Variants in GRM1 observed in about 807,000 individuals in gnomAD.
GRM1 encodes metabotropic glutamate receptor 1.
Under a neutral mutation model 90.9 loss-of-function variants are expected in GRM1, and 33 were observed. That is an observed-to-expected ratio of 0.36 (90% confidence interval 0.28 to 0.49). The LOEUF is 0.49. GRM1 is among the 20% of genes least tolerant of loss of function. The probability of loss-of-function intolerance (pLI) is 0.99; values close to 1 mark genes in which losing one functional copy is unlikely to be tolerated. For missense variants in GRM1, 1,190 were observed against 1,534.3 expected (o/e 0.78, Z 3.75); for synonymous variants, 700 against 613.2 (o/e 1.14, Z -2.09).
At chr6:146,398,641 TA>T in intron 6 of GRM1, 127 bp from the exon 7 acceptor site, 1 of 779,884 alleles carries the variant, frequency 1.3e-6, no homozygotes. Context: ...TGTGCATTTT[TA>T]AAAAAGCATT....
chr6:146,339,065 A>T (rs1236719278), intron 3 of GRM1, among the ~76,000 whole-genome samples: 1 of 152,136 alleles, frequency 6.6e-6, no homozygotes, highest in African/African-American at 2.4e-5. Flanking sequence ...TATGAAACAT[A>T]CTCCATGAAC....
intron 5 of GRM1, among the ~76,000 whole-genome samples, chr6:146,372,359 A>G (rs1001514566): frequency 6.6e-6 from 1 of 152,074 alleles, no homozygotes; most frequent in African/African-American, 2.4e-5. Flanking sequence ...CATTCTGGTT[A>G]TTAATTCCTT....
chr6:146,308,713 A>C (rs1178982578), intron 3 of GRM1, among the ~76,000 whole-genome samples: 2 of 152,156 alleles, frequency 1.3e-5, no homozygotes, highest in Non-Finnish European at 2.9e-5. Context: ...AGAAAGCTGA[A>C]GAGAATTAAG....
intron 2 of GRM1, among the ~76,000 whole-genome samples, chr6:146,297,783 C>T (rs1322278146): frequency 1.3e-5 from 2 of 152,130 alleles, no homozygotes; most frequent in Non-Finnish European, 2.9e-5. Context: ...ATTCTGACAA[C>T]CTGGTTGGCA....
In GRM1 at chr6:146,247,999, G is replaced by C. The variant is rs552805806; in HGVS notation, c.951-56612G>C. On this transcript the variant is annotated intron_variant, in intron 2 of 7. Coordinates refer to ENST00000282753, the MANE Select transcript of GRM1 (RefSeq NM_001278064.2). ...AAGAATGAAAGAACCTCTATTAGAT[G>C]TTTCCCTAGGAATCTTTTGTTGGAT... is the stretch of plus-strand genomic sequence containing the variant. 2.0e-4 allele frequency among the ~76,000 whole-genome samples: 31 copies of C among 151,686 alleles called. No homozygotes were observed. In the South Asian group the frequency reaches 6.2e-3, roughly 31 times the overall value.
chr6:146,365,869 C>T (rs140982819), intron 5 of GRM1, among the ~76,000 whole-genome samples: 116 of 152,286 alleles, frequency 7.6e-4, no homozygotes, highest in African/African-American at 2.7e-3. Context: ...TTCAAGGAGG[C>T]GGTCACTCTC....
chr6:146,291,836 C>T (rs893181987), intron 2 of GRM1, among the ~76,000 whole-genome samples: 2 of 151,904 alleles, frequency 1.3e-5, no homozygotes, highest in South Asian at 4.2e-4. Context: ...TATGTAATTG[C>T]AAGAGGTCCC....
At chr6:146,229,366 C>T (rs1025029924) in intron 2 of GRM1, among the ~76,000 whole-genome samples, 3 of 149,782 alleles carry the variant, frequency 2.0e-5, no homozygotes, top group Non-Finnish European at 3.0e-5. Flanking sequence ...AAAAGGGTAG[C>T]TAGTGGTGAT....
chr6:146,437,142 C>G lies in GRM1; in HGVS notation c.*2346C>G, dbSNP rs1778617337. 1 of 152,212 alleles carries G rather than the reference C, an allele frequency of 6.6e-6. No individual in the cohort carries two copies. The highest frequency in any genetic ancestry group is 6.5e-5 in the Admixed American group (1 of 15,278). 9.4% of individuals were successfully genotyped at this position (152,212 alleles called of 1,614,324 possible). On this transcript the variant is annotated 3_prime_UTR_variant, in exon 8 of 8. Coordinates refer to ENST00000282753, the MANE Select transcript of GRM1 (RefSeq NM_001278064.2). Reference sequence around the variant, plus strand: ...TAATTGACAAATTCATGAGGGAAAGCATATGATCTCTTTATTAGTGAATCA... The same window carrying G: ...TAATTGACAAATTCATGAGGGAAAGGATATGATCTCTTTATTAGTGAATCA...
chr6:146,092,540 T>C (rs1403361268), intron 1 of GRM1, among the ~76,000 whole-genome samples: 1 of 152,096 alleles, frequency 6.6e-6, no homozygotes, highest in Non-Finnish European at 1.5e-5. Context: ...TAGAACTGGT[T>C]GAGAATTTAC....
chr6:146,384,138 T>G (rs1776413470), intron 5 of GRM1, among the ~76,000 whole-genome samples: 1 of 152,068 alleles, frequency 6.6e-6, no homozygotes, highest in Admixed American at 6.6e-5. Flanking sequence ...CCAAAACAGC[T>G]AGAATTTGTA....
At chr6:146,273,840 G>A (rs1782256392) in intron 2 of GRM1, among the ~76,000 whole-genome samples, 1 of 152,142 alleles carries the variant, frequency 6.6e-6, no homozygotes, top group African/African-American at 2.4e-5. Flanking sequence ...TACATGAAAA[G>A]GCAATTATGA....
intron 2 of GRM1, among the ~76,000 whole-genome samples, chr6:146,295,823 C>T (rs1326484859): frequency 6.6e-6 from 1 of 152,032 alleles, no homozygotes; most frequent in East Asian, 1.9e-4. Flanking sequence ...AGATTATTTC[C>T]TCACTGAGGT....
chr6:146,375,261 G>A (rs1776053268), intron 5 of GRM1, among the ~76,000 whole-genome samples: 1 of 151,758 alleles, frequency 6.6e-6, no homozygotes, highest in Admixed American at 6.6e-5. Flanking sequence ...TAAATTTTTT[G>A]AATGTATTAA....
chr6:146,060,295 T>C (rs558399720), intron 1 of GRM1, among the ~76,000 whole-genome samples: 6 of 152,160 alleles, frequency 3.9e-5, no homozygotes, highest in Non-Finnish European at 7.4e-5. Context: ...AGGTTTATTA[T>C]ATAGGTAAAT....
chr6:146,131,761 G>T (rs1776406479), intron 1 of GRM1, among the ~76,000 whole-genome samples: 1 of 152,152 alleles, frequency 6.6e-6, no homozygotes, highest in African/African-American at 2.4e-5. Flanking sequence ...TTTAGAAAGT[G>T]CACACACCAG....
At chr6:146,263,129 G>A (rs1401379919) in intron 2 of GRM1, among the ~76,000 whole-genome samples, 5 of 151,948 alleles carry the variant, frequency 3.3e-5, no homozygotes, top group South Asian at 2.1e-4. Flanking sequence ...TCTTAGAAAC[G>A]TATCAGGATA....
intron 1 of GRM1, among the ~76,000 whole-genome samples, chr6:146,081,797 G>C (rs1173871158): frequency 6.6e-6 from 1 of 152,124 alleles, no homozygotes; most frequent in Admixed American, 6.5e-5. Context: ...TGAGTCTCTG[G>C]AGTGGCAAAC....
intron 2 of GRM1, among the ~76,000 whole-genome samples, chr6:146,237,589 A>G (rs1306057467): frequency 1.3e-5 from 2 of 152,084 alleles, no homozygotes; most frequent in African/African-American, 4.8e-5. Context: ...TTTATCTCAT[A>G]CTTTCTCCTT....
Sources: allele counts gnomAD v4.1 joint callset (sites outside exome capture counted in the v4.1 genomes callset), GRCh38; gene constraint gnomAD v4.1.1; transcripts MANE v1.5; gene names NCBI Gene and HGNC (gene_info 2026-07-23, HGNC 2026-07-21).